PTPRM: variants seen among roughly 807,000 people sequenced by gnomAD.
The protein encoded by PTPRM is receptor-type tyrosine-protein phosphatase mu.
PTPRM carries 47 observed loss-of-function variants against 186.7 expected under a neutral mutation model. That is an observed-to-expected ratio of 0.25 (90% CI 0.20 to 0.32). The LOEUF (loss-of-function observed/expected upper bound fraction) is 0.32. Among genes scored for constraint, PTPRM ranks in the 10% least tolerant of loss-of-function variants. PTPRM has a pLI of 1.00. For synonymous variants in PTPRM, 668 were observed against 674.9 expected, an observed-to-expected ratio of 0.99 and a Z score of 0.16; for missense variants, 1,494 against 1,865.0, an observed-to-expected ratio of 0.80 and a Z score of 3.66.
Position 8,379,189 on chromosome 18 carries a change from C to T in PTPRM, c.3635C>T (p.Thr1212Met), listed in dbSNP as rs760825169. The T allele has an allele frequency of 2.0e-5, 32 of 1,609,142 alleles. No individual in the cohort carries two copies. The highest frequency in any genetic ancestry group is 6.7e-5 in the East Asian group (3 of 44,744). Residue 1212 changes from threonine (T) to methionine (M), a missense_variant, in exon 28 of 33, where the codon ACG (threonine) becomes ATG (methionine). Thr to Met is a moderately conservative substitution (Grantham distance 81). Coordinates refer to ENST00000580170, the MANE Select transcript of PTPRM (RefSeq NM_001105244.2). ...EFRTLNMVTP[T>M]LRVEDCSIAL... ...CAGACGCTAAACATGGTGACACCAA[C>T]GCTGCGAGTAGAGGACTGCAGCATC...
intron 24 of PTPRM, among the ~76,000 whole-genome samples, chr18:8,371,985 T>C (rs189295468): frequency 1.3e-5 from 2 of 151,746 alleles, no homozygotes; most frequent in Admixed American, 1.3e-4. Context: ...GTAGCAGGTC[T>C]TCTTGGAAGA....
intron 1 of PTPRM, among the ~76,000 whole-genome samples, chr18:7,692,693 A>G (rs545365198): frequency 3.3e-5 from 5 of 152,330 alleles, no homozygotes; most frequent in East Asian, 3.9e-4. Flanking sequence ...ACAAAGTCCT[A>G]TCTTCCTCTG....
intron 2 of PTPRM, among the ~76,000 whole-genome samples, chr18:7,857,173 C>T (rs568172383): frequency 6.6e-6 from 1 of 152,150 alleles, no homozygotes; most frequent in South Asian, 2.1e-4. Context: ...TGCAGAGGGG[C>T]ACATGACGGG....
At chr18:8,240,170 C>G (rs12607226) in intron 14 of PTPRM, among the ~76,000 whole-genome samples, 3 of 152,084 alleles carry the variant, frequency 2.0e-5, no homozygotes, top group African/African-American at 4.8e-5. Context: ...TATTACTTAT[C>G]GACAATCCTA....
At chr18:8,294,668 A>G (rs2095076682) in intron 19 of PTPRM, among the ~76,000 whole-genome samples, 1 of 152,212 alleles carries the variant, frequency 6.6e-6, no homozygotes, top group Non-Finnish European at 1.5e-5. Flanking sequence ...CATATATAGC[A>G]CATCTGATCC....
chr18:8,364,245 C>T (rs1160196633), intron 23 of PTPRM, among the ~76,000 whole-genome samples: 1 of 152,138 alleles, frequency 6.6e-6, no homozygotes. Flanking sequence ...CTCATCTAAT[C>T]TTCACACCCT....
intron 4 of PTPRM, among the ~76,000 whole-genome samples, chr18:7,909,093 C>G (rs1159786013): frequency 6.6e-6 from 1 of 152,182 alleles, no homozygotes. Context: ...ATTACATATC[C>G]TGGGCTCCAT....
chr18:7,765,066 T>C (rs1384533518), intron 1 of PTPRM, among the ~76,000 whole-genome samples: 2 of 152,232 alleles, frequency 1.3e-5, no homozygotes, highest in Admixed American at 6.5e-5. Context: ...CCTAATAATT[T>C]GGTTGCATCT....
Position 7,959,976 on chromosome 18 carries a change from A to G in PTPRM, c.1132+4562A>G, listed in dbSNP as rs149511042. On this transcript the variant is annotated intron_variant, in intron 7 of 32. Transcript: ENST00000580170. ...CAATTTAGTTTGTGATTTCTAATGT[A>G]TCCTATATTCTCAAATTATGTGCAG... 4.6e-3 allele frequency among the ~76,000 whole-genome samples: 695 copies of G among 152,324 alleles called. 6 individuals carry two copies. Among genetic ancestry groups the G allele is most frequent in the African/African-American group, 0.016 (655 of 41,578 alleles).
chr18:8,268,707 A>T (rs984531989), intron 19 of PTPRM, among the ~76,000 whole-genome samples: 1 of 152,098 alleles, frequency 6.6e-6, no homozygotes, highest in African/African-American at 2.4e-5. Flanking sequence ...TCAACAGCAC[A>T]TTAAAAGGAT....
intron 5 of PTPRM, among the ~76,000 whole-genome samples, chr18:7,931,047 G>A (rs2051455023): frequency 6.6e-6 from 1 of 152,024 alleles, no homozygotes; most frequent in Non-Finnish European, 1.5e-5. Context: ...AAATTTTCCA[G>A]ACAGTAGGAA....
intron 1 of PTPRM, among the ~76,000 whole-genome samples, chr18:7,600,419 A>G (rs1375612901): frequency 1.3e-5 from 2 of 152,194 alleles, no homozygotes; most frequent in Non-Finnish European, 2.9e-5. Flanking sequence ...CAAATCCAGC[A>G]CATAACACAC....
At chr18:8,150,970 G>A (rs2092992691) in intron 14 of PTPRM, among the ~76,000 whole-genome samples, 1 of 152,154 alleles carries the variant, frequency 6.6e-6, no homozygotes, top group South Asian at 2.1e-4. Flanking sequence ...CAGCAGACCA[G>A]CAAAGATTGC....
At position 7,618,711 on chromosome 18, in the gene PTPRM, G is replaced by A. The variant is rs781593363; in HGVS notation, c.73+50820G>A. On this transcript the variant is annotated intron_variant, in intron 1 of 32. Coordinates refer to ENST00000580170, the MANE Select transcript of PTPRM (RefSeq NM_001105244.2). The stretch of plus-strand genomic sequence containing the variant: ...GCCTTTTACTTCACCCCAAACCCCC[G>A]TGACATTTAAGATGCGTGCTATACA... Among the ~76,000 whole-genome samples, 5 of 151,980 alleles carry A rather than the reference G, an allele frequency of 3.3e-5. No individual in the cohort carries two copies. In the East Asian group the frequency reaches 5.8e-4, roughly 18 times the overall value.
intron 2 of PTPRM, among the ~76,000 whole-genome samples, chr18:7,846,180 G>A (rs937652243): frequency 6.6e-6 from 1 of 152,142 alleles, no homozygotes; most frequent in East Asian, 1.9e-4. Context: ...AAGCAGAGGA[G>A]GGATGTACAT....
rs543106588 is a variant in PTPRM at position 8,124,052 on chromosome 18, C to T, written c.2167+9225C>T. Among the ~76,000 whole-genome samples the T allele has an allele frequency of 4.7e-3, 708 of 152,248 alleles. 3 individuals are homozygous for T. The highest frequency in any genetic ancestry group is 8.1e-3 in the South Asian group (39 of 4,822). On this transcript the variant is annotated intron_variant, in intron 13 of 32. Transcript: ENST00000580170. ...AGAAGATACTTCATAAAGCAGCCCC[C>T]GTCGTAAGGCATTTAGACACAGTGA...
intron 1 of PTPRM, among the ~76,000 whole-genome samples, chr18:7,631,639 T>G (rs1297116250): frequency 6.6e-6 from 1 of 152,134 alleles, no homozygotes; most frequent in African/African-American, 2.4e-5. Flanking sequence ...ACATTATGAT[T>G]TTTTTTGCAA....
chr18:8,110,467 G>C (rs1416891240), intron 11 of PTPRM, among the ~76,000 whole-genome samples: 2 of 152,154 alleles, frequency 1.3e-5, no homozygotes, highest in Non-Finnish European at 1.5e-5. Context: ...AAGGAAAAGA[G>C]GCAAAGATGT....
At chr18:7,775,425 G>A (rs746857035) in intron 2 of PTPRM, among the ~76,000 whole-genome samples, 2 of 152,178 alleles carry the variant, frequency 1.3e-5, no homozygotes, top group African/African-American at 2.4e-5. Context: ...CCAAATTCCA[G>A]TTCCTGCTTC....
Sources: allele counts gnomAD v4.1 joint callset (sites outside exome capture counted in the v4.1 genomes callset), GRCh38; gene constraint gnomAD v4.1.1; transcripts MANE v1.5; gene names NCBI Gene and HGNC (gene_info 2026-07-23, HGNC 2026-07-21).